PATJ: variants seen among roughly 807,000 people sequenced by gnomAD.
PATJ encodes inaD-like protein.
Under a neutral mutation model 224.9 loss-of-function variants are expected in PATJ, and 190 were observed. The observed-to-expected ratio is 0.84, with a 90% CI of 0.75 to 0.95. The LOEUF (loss-of-function observed/expected upper bound fraction) is 0.95. Ranked by LOEUF, PATJ falls within the 40% of genes least tolerant of loss-of-function variation. The probability of loss-of-function intolerance (pLI) is 0.00; values close to 1 mark genes in which losing one functional copy is unlikely to be tolerated. For missense variants in PATJ, 2,121 were observed against 2,270.3 expected (o/e 0.93, Z 1.34); for synonymous variants, 769 against 820.3 (o/e 0.94, Z 1.07).
rs201309567 is a variant in PATJ, at chr1:62,114,215, C to T, written c.4624C>T (p.Arg1542Trp). 22 of 1,614,070 alleles carry T rather than the reference C, an allele frequency of 1.4e-5. No homozygotes were observed. The highest frequency in any genetic ancestry group is 4.4e-5 in the South Asian group (4 of 91,058). ...FPVDLQKKAG[R>W]GLGLSIVGKR... ...TGTGGATCTGCAGAAGAAAGCTGGC[C>T]GGGGCCTGGGCCTGAGCATCGTTGG... Residue 1542 changes from arginine to tryptophan, a missense_variant, in exon 35 of 44, where the codon CGG (arginine) becomes TGG (tryptophan). By Grantham distance (101) the Arg-to-Trp change is moderately radical. Transcript: ENST00000642238.
chr1:62,050,114 C>T (rs1329009818), intron 30 of PATJ, among the ~76,000 whole-genome samples: 2 of 127,674 alleles, frequency 1.6e-5, no homozygotes, highest in East Asian at 2.0e-4. Context: ...AGACTGTCTG[C>T]CCCACCAAAA....
intron 30 of PATJ, among the ~76,000 whole-genome samples, chr1:62,041,753 G>A (rs1244113026): frequency 1.3e-5 from 2 of 152,124 alleles, no homozygotes; most frequent in Admixed American, 6.5e-5. Context: ...AGGCTAGGCC[G>A]GGCGTGGTGG....
intron 20 of PATJ, among the ~76,000 whole-genome samples, chr1:61,869,096 C>CTT (rs1557785952): frequency 2.2e-5 from 3 of 133,434 alleles, no homozygotes; most frequent in Admixed American, 7.5e-5. Context: ...ATGGAAATAA[C>CTT]ATTTTTTTTT....
chr1:61,993,703 GGGTT>G (rs1330764906), intron 28 of PATJ, among the ~76,000 whole-genome samples: 1 of 152,018 alleles, frequency 6.6e-6, no homozygotes, highest in Non-Finnish European at 1.5e-5. Flanking sequence ...GAAATTCCAA[GGGTT>G]TTAGGAGCTC....
chr1:62,073,780 A>G lies in PATJ; in HGVS notation c.4126-5670A>G, dbSNP rs932865283. On this transcript the variant is annotated intron_variant, in intron 31 of 43. Coordinates refer to ENST00000642238, the MANE Select transcript of PATJ (RefSeq NM_001350145.3). Reference sequence around the variant, plus strand: ...TGAGGCAGAAGGCTTGCTTGAGCCCAGGAATTCCAGACCAGCCTAAGCGAT... The same window carrying G: ...TGAGGCAGAAGGCTTGCTTGAGCCCGGGAATTCCAGACCAGCCTAAGCGAT... Among the ~76,000 whole-genome samples the G allele has an allele frequency of 7.2e-5, 11 of 152,306 alleles. No individual in the cohort carries two copies. The South Asian group carries it at 1.5e-3, about 20-fold the overall frequency.
chr1:61,792,401 A>G (rs1275441518), intron 9 of PATJ, among the ~76,000 whole-genome samples: 1 of 152,254 alleles, frequency 6.6e-6, no homozygotes, highest in Admixed American at 6.5e-5. Context: ...AGGAATCATT[A>G]GTTCCTAAAC....
intron 30 of PATJ, among the ~76,000 whole-genome samples, chr1:62,046,816 T>C (rs1244389789): frequency 6.6e-6 from 1 of 152,202 alleles, no homozygotes; most frequent in African/African-American, 2.4e-5. Context: ...TCTGCTTCAT[T>C]TGATCCTCTA....
chr1:61,897,361 C>T (rs1185060171), intron 22 of PATJ, among the ~76,000 whole-genome samples: 1 of 152,104 alleles, frequency 6.6e-6, no homozygotes, highest in Non-Finnish European at 1.5e-5. Flanking sequence ...AACAGAAACC[C>T]CATTTAGTGT....
chr1:62,051,023 A>G lies in PATJ; in HGVS notation c.4090A>G (p.Ile1364Val), dbSNP rs1299110856. ...SEEDGSVEVG[I>V]KQLPESESFK... ...GGAAGATGGCAGCGTCGAAGTTGGT[A>G]TTAAACAATTGCCTGAAAGTGAAAG... is the stretch of plus-strand genomic sequence containing the variant. Residue 1364 changes from isoleucine (I) to valine (V), a missense_variant, in exon 31 of 44, where the codon ATT (isoleucine) becomes GTT (valine). By Grantham distance (29) the Ile-to-Val change is conservative. Transcript: ENST00000642238. 4 of 1,613,784 alleles carry G rather than the reference A, an allele frequency of 2.5e-6. No homozygotes were observed. Among genetic ancestry groups the G allele is most frequent in the Admixed American group, 3.3e-5 (2 of 60,012 alleles).
intron 27 of PATJ, among the ~76,000 whole-genome samples, chr1:61,946,514 C>T (rs1678735397): frequency 6.6e-6 from 1 of 152,036 alleles, no homozygotes; most frequent in Admixed American, 6.5e-5. Context: ...AAGACTAAAC[C>T]AGGAAGAAGT....
intron 32 of PATJ, among the ~76,000 whole-genome samples, chr1:62,082,548 T>A (rs915616517): frequency 6.6e-6 from 1 of 152,224 alleles, no homozygotes; most frequent in African/African-American, 2.4e-5. Context: ...CTGTTTCTTT[T>A]TGTTTTATAC....
Position 61,820,821 on chromosome 1 carries a change from C to T in PATJ, c.1684-2124C>T, listed in dbSNP as rs527336800. ...ACTCTTTGCCCTGTAGCATCTGGCT[C>T]ATAAACAAGGAAGGAAGACAGTTGG... On this transcript the variant is annotated intron_variant, in intron 14 of 43. Coordinates refer to ENST00000642238, the MANE Select transcript of PATJ (RefSeq NM_001350145.3). Among the ~76,000 whole-genome samples the T allele has an allele frequency of 4.6e-5, 7 of 152,262 alleles. No individual in the cohort carries two copies. In the South Asian group the frequency reaches 1.2e-3, roughly 27 times the overall value.
intron 1 of PATJ, among the ~76,000 whole-genome samples, chr1:61,753,910 T>C (rs1055829803): frequency 1.3e-5 from 2 of 151,312 alleles, no homozygotes; most frequent in African/African-American, 4.8e-5. Context: ...TAATTTAAAA[T>C]TAAATTTCTA....
chr1:61,919,980 A>G (rs1223635597), intron 26 of PATJ, among the ~76,000 whole-genome samples: 1 of 152,222 alleles, frequency 6.6e-6, no homozygotes, highest in African/African-American at 2.4e-5. Context: ...AAAAGTTGAT[A>G]GATCAAACTA....
Position 62,049,286 on chromosome 1 carries a change from ATTTT to A in PATJ, c.4033-1674_4033-1671del, listed in dbSNP as rs71050195. On this transcript the variant is annotated intron_variant, in intron 30 of 43. Coordinates refer to ENST00000642238, the MANE Select transcript of PATJ (RefSeq NM_001350145.3). ...ACACACACACACACACACACAGAGTATTTTTTTTTCTGAAAAGATTATCTTAATT... is the reference window on the plus strand; with the variant it reads ...ACACACACACACACACACACAGAGTATTTTTCTGAAAAGATTATCTTAATT... Among the ~76,000 whole-genome samples the A allele has an allele frequency of 1.3e-3, 170 of 126,488 alleles. 8 individuals are homozygous for A. In the South Asian group the frequency reaches 0.044, roughly 32 times the overall value. The allele number at this position is 126,488 out of a possible 152,430, so 83.0% of individuals were successfully genotyped here.
At chr1:61,839,067 A>G (rs535048579) in intron 17 of PATJ, among the ~76,000 whole-genome samples, 24 of 152,254 alleles carry the variant, frequency 1.6e-4, no homozygotes, top group African/African-American at 5.3e-4. Flanking sequence ...TACAGGTAGT[A>G]TATGGTAGAA....
chr1:61,821,887 ACAAC>A (rs1657340722), intron 14 of PATJ, among the ~76,000 whole-genome samples: 1 of 152,174 alleles, frequency 6.6e-6, no homozygotes, highest in Non-Finnish European at 1.5e-5. Flanking sequence ...CTTGACTGTT[ACAAC>A]CAACAAAGAT....
chr1:61,869,186 A>G (rs1437774774), intron 20 of PATJ, among the ~76,000 whole-genome samples: 4 of 142,678 alleles, frequency 2.8e-5, no homozygotes, highest in East Asian at 4.1e-4. Context: ...GGCTCACTGC[A>G]AGCTCCGCCT....
chr1:61,805,396 T>G (rs1003273098), intron 12 of PATJ, 52 bp from the exon 13 acceptor site: 40 of 1,130,880 alleles, frequency 3.5e-5, no homozygotes, highest in Non-Finnish European at 4.8e-5. Flanking sequence ...TGTGTTTGGC[T>G]CACAGTAGTT....
Sources: allele counts gnomAD v4.1 joint callset (sites outside exome capture counted in the v4.1 genomes callset), GRCh38; gene constraint gnomAD v4.1.1; transcripts MANE v1.5; gene names NCBI Gene and HGNC (gene_info 2026-07-23, HGNC 2026-07-21).